The following RBFOX3 variants were observed in gnomAD, a reference collection of about 807,000 sequenced individuals.
RBFOX3 encodes the protein RNA binding protein fox-1 homolog 3.
Under a neutral mutation model 48.7 loss-of-function variants are expected in RBFOX3, and 17 were observed. The ratio of observed to expected loss-of-function variants is 0.35; its 90% CI spans 0.24 to 0.52. The LOEUF (loss-of-function observed/expected upper bound fraction) is 0.52, where lower values mean the gene tolerates loss of function less well. Ranked by LOEUF, RBFOX3 falls within the 20% of genes least tolerant of loss-of-function variation. The pLI is 0.94. For missense variants in RBFOX3, 382 were observed against 497.5 expected (o/e 0.77, Z 2.21); for synonymous variants, 212 against 209.5 (o/e 1.01, Z -0.10).
rs115925967 is a variant in RBFOX3, at chr17:79,362,480, G to A, written c.-174-54656C>T. ...GCGGTGGGCGTGGAAGGCCACCTGC[G>A]CTGGGCCTGGATGGCACTAGGCTGA... On this transcript the variant is annotated intron_variant, in intron 2 of 14. Transcript: ENST00000693108. This position sits in a 1 kb window ranked among gnomAD's most constrained non-coding sequence, Gnocchi z 4.2. Among the ~76,000 whole-genome samples, 1,078 of 152,254 alleles carry A rather than the reference G, an allele frequency of 7.1e-3. 13 individuals carry two copies. The highest frequency in any genetic ancestry group is 0.025 in the African/African-American group (1,024 of 41,524).
intron 4 of RBFOX3, among the ~76,000 whole-genome samples, chr17:79,230,195 G>C (rs1278306095): frequency 3.9e-5 from 6 of 152,188 alleles, no homozygotes; most frequent in South Asian, 4.1e-4. Context: ...GTTTTCTCAT[G>C]TTCCTCACCA....
At chr17:79,616,253 C>T in the RBFOX3 span, among the ~76,000 whole-genome samples, 2 of 152,042 alleles carry the variant, frequency 1.3e-5, no homozygotes, top group African/African-American at 2.4e-5. Context: ...ATGGATCTCT[C>T]GGCCGGGCAC....
chr17:79,432,174 C>G lies in RBFOX3; in HGVS notation c.-175+50280G>C, dbSNP rs574507844. 2.0e-5 allele frequency among the ~76,000 whole-genome samples: 3 copies of G among 152,314 alleles called. No homozygotes were observed. The South Asian group carries it at 6.2e-4, about 32-fold the overall frequency. On this transcript the variant is annotated intron_variant, in intron 2 of 14. Coordinates refer to ENST00000693108, the MANE Select transcript of RBFOX3 (RefSeq NM_001350451.2). ...GTAATATTCTCTGGCATGGACAGAC[C>G]ACATTTTGTTTCTCCATTCATCTGT...
intron 3 of RBFOX3, among the ~76,000 whole-genome samples, chr17:79,286,973 ACT>A (rs2144690221): frequency 6.6e-6 from 1 of 152,170 alleles, no homozygotes; most frequent in East Asian, 1.9e-4. Flanking sequence ...GTGGCCAGAG[ACT>A]CTGAGAAAGC....
intron 3 of RBFOX3, among the ~76,000 whole-genome samples, chr17:79,303,095 G>C (rs1353954422): frequency 6.6e-6 from 1 of 152,186 alleles, no homozygotes; most frequent in East Asian, 1.9e-4. Context: ...TGTGGTCCCA[G>C]CTACTTGGGA....
chr17:79,323,632 C>G (rs4790010), intron 2 of RBFOX3, among the ~76,000 whole-genome samples: 1 of 152,204 alleles, frequency 6.6e-6, no homozygotes, highest in African/African-American at 2.4e-5. Flanking sequence ...CTCCCTGCAG[C>G]GGGGGCTCGG....
At chr17:79,609,864 A>C (rs2093930126) in intron 1 of RBFOX3, among the ~76,000 whole-genome samples, 1 of 151,846 alleles carries the variant, frequency 6.6e-6, no homozygotes. Flanking sequence ...GAGACGCCAC[A>C]GAAGACCACC....
chr17:79,582,424 C>T (rs1197085880), intron 1 of RBFOX3, among the ~76,000 whole-genome samples: 1 of 152,214 alleles, frequency 6.6e-6, no homozygotes, highest in Non-Finnish European at 1.5e-5. Context: ...CCTTCTCCAC[C>T]TCCCCACAGC....
the RBFOX3 span, among the ~76,000 whole-genome samples, chr17:79,643,002 T>A: frequency 6.6e-6 from 1 of 152,210 alleles, no homozygotes. Flanking sequence ...CTCAGGAGGC[T>A]GAGCTGGGAG....
chr17:79,130,434 G>A (rs368107415), intron 4 of RBFOX3, among the ~76,000 whole-genome samples: 6 of 152,216 alleles, frequency 3.9e-5, no homozygotes, highest in African/African-American at 9.6e-5. Flanking sequence ...ATGCTCTGCC[G>A]CCTGCTGTTG....
intron 4 of RBFOX3, among the ~76,000 whole-genome samples, chr17:79,230,404 C>T (rs2060878222): frequency 6.6e-6 from 1 of 151,978 alleles, no homozygotes; most frequent in Non-Finnish European, 1.5e-5. Context: ...GGACTACAGT[C>T]ACCCGCCACC....
At position 79,471,808 on chromosome 17, in the gene RBFOX3, C is replaced by T. The variant is rs1348208417; in HGVS notation, c.-175+10646G>A. 6.6e-6 allele frequency among the ~76,000 whole-genome samples: 1 copy of T among 152,216 alleles called. No homozygotes were observed. The highest frequency in any genetic ancestry group is 2.4e-5 in the African/African-American group (1 of 41,452). ...CCCTATGCATCACTCCTGCATCACACCTAGCGCCCCGTGTGTGACCCGGGA... is the reference window on the plus strand; with the variant it reads ...CCCTATGCATCACTCCTGCATCACATCTAGCGCCCCGTGTGTGACCCGGGA... On this transcript the variant is annotated intron_variant, in intron 2 of 14. Coordinates refer to ENST00000693108, the MANE Select transcript of RBFOX3 (RefSeq NM_001350451.2). The surrounding 1 kb of genome is among the most constrained non-coding windows in gnomAD (Gnocchi z 4.0).
At chr17:79,560,215 G>T (rs2092117561) in intron 1 of RBFOX3, among the ~76,000 whole-genome samples, 1 of 152,102 alleles carries the variant, frequency 6.6e-6, no homozygotes, top group African/African-American at 2.4e-5. Flanking sequence ...GGGCTGAAAT[G>T]GTTGCTGGGT....
At chr17:79,427,553 C>T (rs576766379) in intron 2 of RBFOX3, among the ~76,000 whole-genome samples, 70 of 152,318 alleles carry the variant, frequency 4.6e-4, no homozygotes, top group Middle Eastern at 3.4e-3. Context: ...GAACACTGTC[C>T]CATTGAAGGC....
chr17:79,513,178 CAT>C (rs2084730697), intron 1 of RBFOX3, among the ~76,000 whole-genome samples: 2 of 151,506 alleles, frequency 1.3e-5, no homozygotes, highest in Non-Finnish European at 2.9e-5. Context: ...CACCTGGATA[CAT>C]GTTACCATCA....
chr17:79,402,736 G>C (rs1598537192), intron 2 of RBFOX3, among the ~76,000 whole-genome samples: 1 of 152,214 alleles, frequency 6.6e-6, no homozygotes, highest in Non-Finnish European at 1.5e-5. Context: ...CCAGGTGATG[G>C]GATGGGATTT....
At chr17:79,564,292 A>G (rs1231787740) in intron 1 of RBFOX3, among the ~76,000 whole-genome samples, 1 of 152,230 alleles carries the variant, frequency 6.6e-6, no homozygotes, top group African/African-American at 2.4e-5. Context: ...CAAGGTTCCC[A>G]ATAGCAGCAA....
At chr17:79,414,596 T>G (rs1194428959) in intron 2 of RBFOX3, among the ~76,000 whole-genome samples, 8 of 152,330 alleles carry the variant, frequency 5.3e-5, no homozygotes, top group East Asian at 1.9e-4. Context: ...CGTCTGGCTG[T>G]CTGTTCGCCT....
intron 4 of RBFOX3, among the ~76,000 whole-genome samples, chr17:79,217,096 C>G (rs2147290561): frequency 6.6e-6 from 1 of 152,340 alleles, no homozygotes; most frequent in Non-Finnish European, 1.5e-5. Flanking sequence ...AGGGGAGCCC[C>G]TCCCCGCACG....
Sources: allele counts gnomAD v4.1 joint callset (sites outside exome capture counted in the v4.1 genomes callset), GRCh38; gene constraint gnomAD v4.1.1; non-coding constraint Gnocchi (gnomAD v3.1); transcripts MANE v1.5; gene names NCBI Gene and HGNC (gene_info 2026-07-23, HGNC 2026-07-21).